The following FBXL17 variants were observed in gnomAD, a reference collection of about 807,000 sequenced individuals.
FBXL17 encodes F-box and leucine rich repeat protein 17, also known as F-box/LRR-repeat protein 17.
FBXL17 carries 22 observed loss-of-function variants against 66.2 expected under a neutral mutation model. That is an observed-to-expected ratio of 0.33 (90% CI 0.24 to 0.47). The LOEUF (loss-of-function observed/expected upper bound fraction) is 0.47, where lower values mean the gene tolerates loss of function less well. Ranked by LOEUF, FBXL17 falls within the 20% of genes least tolerant of loss-of-function variation. The probability of loss-of-function intolerance (pLI) is 1.00; values close to 1 mark genes in which losing one functional copy is unlikely to be tolerated. For synonymous variants in FBXL17, 474 were observed against 400.5 expected (o/e 1.18, Z -2.19); for missense variants, 878 against 948.2 (o/e 0.93, Z 0.97).
chr5:108,200,308 A>G (rs940977077), intron 5 of FBXL17, among the ~76,000 whole-genome samples: 10 of 152,036 alleles, frequency 6.6e-5, no homozygotes, highest in Admixed American at 2.6e-4. Context: ...AGAGAGAAGA[A>G]AGGTTCTGAG....
intron 5 of FBXL17, among the ~76,000 whole-genome samples, chr5:108,222,579 G>A (rs553642453): frequency 1.3e-5 from 2 of 151,688 alleles, no homozygotes; most frequent in African/African-American, 4.8e-5. Context: ...ACAACCACAG[G>A]CTCTCTTTCA....
chr5:107,916,095 C>G (rs1355655714), intron 7 of FBXL17, among the ~76,000 whole-genome samples: 1 of 152,176 alleles, frequency 6.6e-6, no homozygotes, highest in Non-Finnish European at 1.5e-5. Flanking sequence ...GTAGCACAGA[C>G]CTTACCTAAG....
At chr5:108,216,159 G>A (rs147649924) in intron 5 of FBXL17, among the ~76,000 whole-genome samples, 1 of 151,896 alleles carries the variant, frequency 6.6e-6, no homozygotes, top group East Asian at 1.9e-4. Context: ...CTTTTTTTGA[G>A]ATAGTTACGG....
At chr5:107,865,128 A>C (rs1748236447) in intron 8 of FBXL17, among the ~76,000 whole-genome samples, 1 of 152,264 alleles carries the variant, frequency 6.6e-6, no homozygotes, top group Admixed American at 6.5e-5. Flanking sequence ...GAGCAGAGAA[A>C]ACATTCAAAA....
chr5:108,247,125 T>C (rs1010312408), intron 4 of FBXL17, among the ~76,000 whole-genome samples: 9 of 152,300 alleles, frequency 5.9e-5, no homozygotes, highest in Middle Eastern at 3.4e-3. Flanking sequence ...GGTGGGATAA[T>C]GTGCACAAGT....
chr5:108,198,326 A>G (rs1237064745), intron 5 of FBXL17, among the ~76,000 whole-genome samples: 1 of 152,206 alleles, frequency 6.6e-6, no homozygotes, highest in Admixed American at 6.5e-5. Flanking sequence ...AAAGTCTGCA[A>G]AGAAAGCCAC....
intron 1 of FBXL17, among the ~76,000 whole-genome samples, chr5:108,372,445 G>A (rs949359391): frequency 2.0e-5 from 3 of 152,076 alleles, no homozygotes; most frequent in African/African-American, 7.2e-5. Flanking sequence ...TTCCAAGCAG[G>A]ATAAATGCAA....
intron 6 of FBXL17, among the ~76,000 whole-genome samples, chr5:108,146,231 CAA>C (rs1270049412): frequency 7.2e-5 from 7 of 97,706 alleles, no homozygotes; most frequent in Admixed American, 2.3e-4. Flanking sequence ...GACTTCGTCT[CAA>C]AAAAAAAAAA....
At position 108,013,138 on chromosome 5, in the gene FBXL17, G is replaced by GA. The variant is rs200088853; in HGVS notation, c.1822+7786dup. Among the ~76,000 whole-genome samples, 744 of 150,930 alleles carry GA rather than the reference G, an allele frequency of 4.9e-3. 9 individuals are homozygous for GA. The highest frequency in any genetic ancestry group is 0.018 in the African/African-American group (724 of 41,082). ...ATTTTATCTTTATTATTATTGTTACGAAAGTTTGTTATTTCACTTATTTCT... is the reference window on the plus strand; with the variant it reads ...ATTTTATCTTTATTATTATTGTTACGAAAAGTTTGTTATTTCACTTATTTCT... On this transcript the variant is annotated intron_variant, in intron 7 of 8. Coordinates refer to ENST00000542267, the MANE Select transcript of FBXL17 (RefSeq NM_001163315.3).
chr5:107,958,782 G>GTGCT (rs1466491824), intron 7 of FBXL17, among the ~76,000 whole-genome samples: 3 of 152,182 alleles, frequency 2.0e-5, no homozygotes, highest in Non-Finnish European at 4.4e-5. Context: ...AGGCAGACCT[G>GTGCT]TGCTTTCTCA....
intron 6 of FBXL17, among the ~76,000 whole-genome samples, chr5:108,146,210 C>A (rs549974369): frequency 2.7e-5 from 4 of 148,496 alleles, no homozygotes; most frequent in South Asian, 2.1e-4. Context: ...CCAGCCTGGG[C>A]GACATAGCAA....
intron 7 of FBXL17, among the ~76,000 whole-genome samples, chr5:107,949,247 A>C (rs1751417921): frequency 6.6e-6 from 1 of 152,078 alleles, no homozygotes; most frequent in African/African-American, 2.4e-5. Context: ...ACAACAAGAG[A>C]AGTAACATGT....
intron 3 of FBXL17, among the ~76,000 whole-genome samples, chr5:108,362,264 G>C (rs1273487853): frequency 6.6e-6 from 1 of 152,136 alleles, no homozygotes; most frequent in African/African-American, 2.4e-5. Context: ...AAAGCCTACA[G>C]TGACTTATTT....
intron 6 of FBXL17, among the ~76,000 whole-genome samples, chr5:108,123,143 G>C (rs766094623): frequency 6.6e-6 from 1 of 150,516 alleles, no homozygotes; most frequent in Non-Finnish European, 1.5e-5. Flanking sequence ...GCATGTGCTT[G>C]GGTAAGTTTT....
chr5:107,994,788 A>G (rs1249828627), intron 7 of FBXL17, among the ~76,000 whole-genome samples: 4 of 152,176 alleles, frequency 2.6e-5, no homozygotes, highest in Non-Finnish European at 5.9e-5. Context: ...CAGTGAGCCG[A>G]GATTGCGCCA....
intron 3 of FBXL17, among the ~76,000 whole-genome samples, chr5:108,348,968 C>T (rs1394240611): frequency 6.6e-6 from 1 of 152,014 alleles, no homozygotes; most frequent in East Asian, 1.9e-4. Context: ...CCACACCTGG[C>T]TACTTTTTAA....
At chr5:108,169,332 T>C (rs1272907591) in intron 6 of FBXL17, among the ~76,000 whole-genome samples, 2 of 152,192 alleles carry the variant, frequency 1.3e-5, no homozygotes, top group South Asian at 4.1e-4. Context: ...ATATTAACTC[T>C]ATGTAAGTAA....
At chr5:107,872,666 A>G (rs1012695960) in intron 8 of FBXL17, among the ~76,000 whole-genome samples, 1 of 152,196 alleles carries the variant, frequency 6.6e-6, no homozygotes, top group African/African-American at 2.4e-5. Flanking sequence ...CAGATCTTAT[A>G]TTCTAGTAAG....
chr5:108,375,359 G>A (rs1749345820), intron 1 of FBXL17, among the ~76,000 whole-genome samples: 1 of 103,992 alleles, frequency 9.6e-6, no homozygotes, highest in Non-Finnish European at 2.0e-5. Flanking sequence ...CTGGGTGACA[G>A]AGACCCTGCA....
Sources: gnomAD v4.1 joint callset for allele counts (sites outside exome capture counted in the v4.1 genomes callset) on GRCh38, gnomAD v4.1.1 for gene constraint, MANE v1.5 for transcripts, NCBI Gene and HGNC (gene_info 2026-07-23, HGNC 2026-07-21) for gene names.